DMD: variants seen among roughly 807,000 people sequenced by gnomAD.
DMD encodes the protein mutant dystrophin.
DMD carries 63 observed loss-of-function variants against 330.1 expected under a neutral mutation model. The observed-to-expected ratio is 0.19, with a 90% CI of 0.16 to 0.24. DMD has a LOEUF of 0.24. Among genes scored for constraint, DMD ranks in the 10% least tolerant of loss-of-function variants. The probability of loss-of-function intolerance (pLI) is 1.00; values close to 1 mark genes in which losing one functional copy is unlikely to be tolerated. For missense variants in DMD, 3,344 were observed against 2,684.1 expected, an observed-to-expected ratio of 1.25 and a Z score of -5.43; for synonymous variants, 1,223 against 959.8, an observed-to-expected ratio of 1.27 and a Z score of -5.07.
chrX:32,440,580 CAT>C (rs1405867704), intron 28 of DMD, among the ~76,000 whole-genome samples: 3 of 111,256 alleles, frequency 2.7e-5, no homozygotes, highest in Admixed American at 1.9e-4. Context: ...CACTAAAATG[CAT>C]AGAGCTTGAA....
At chrX:31,826,845 T>C (rs1180287682) in intron 49 of DMD, among the ~76,000 whole-genome samples, 1 of 112,253 alleles carries the variant, frequency 8.9e-6, no homozygotes, top group African/African-American at 3.2e-5. Flanking sequence ...GGTCCAAGGT[T>C]TTCCGCACAA....
chrX:32,876,628 C>T (rs1299721219), intron 2 of DMD, among the ~76,000 whole-genome samples: 1 of 112,109 alleles, frequency 8.9e-6, no homozygotes, highest in Non-Finnish European at 1.9e-5. Context: ...TTGTCATTAT[C>T]TGACTTGAAG....
chrX:31,996,292 A>G (rs1411532522), intron 44 of DMD, among the ~76,000 whole-genome samples: 1 of 112,071 alleles, frequency 8.9e-6, no homozygotes, highest in Non-Finnish European at 1.9e-5. Context: ...GGGTAATCAT[A>G]GTGAATATGA....
intron 19 of DMD, among the ~76,000 whole-genome samples, chrX:32,498,415 A>AT (rs374397973): frequency 0.017 from 1,853 of 106,165 alleles, 38 homozygotes; most frequent in African/African-American, 0.056. Flanking sequence ...CAGAAACGTG[A>AT]TTTTTTTTTT....
chrX:32,356,011 C>T (rs1603631532), intron 37 of DMD, among the ~76,000 whole-genome samples: 1 of 110,122 alleles, frequency 9.1e-6, no homozygotes, highest in South Asian at 3.8e-4. Context: ...AGTTATAATA[C>T]GATCAGAAAG....
intron 52 of DMD, among the ~76,000 whole-genome samples, chrX:31,709,508 TAAA>T (rs2084444525): frequency 9.1e-6 from 1 of 109,510 alleles, no homozygotes. Flanking sequence ...AGAAGATAAA[TAAA>T]AATTTTTTCT....
chrX:32,122,905 C>G (rs1442898079), intron 44 of DMD, among the ~76,000 whole-genome samples: 1 of 110,128 alleles, frequency 9.1e-6, no homozygotes, highest in African/African-American at 3.3e-5. Flanking sequence ...ATAATTTTAT[C>G]TAAGTAAATG....
At chrX:32,705,512 A>G (rs1479236363) in intron 7 of DMD, among the ~76,000 whole-genome samples, 3 of 111,953 alleles carry the variant, frequency 2.7e-5, no homozygotes, top group South Asian at 7.4e-4. Context: ...ATCTTGTTAC[A>G]AGTAGAAAAC....
chrX:32,456,878 C>G (rs997112913), intron 25 of DMD, among the ~76,000 whole-genome samples: 1 of 104,325 alleles, frequency 9.6e-6, no homozygotes, highest in East Asian at 3.0e-4. Context: ...ATTTAATATG[C>G]CTATTATTAA....
chrX:31,242,210 C>T (rs1049823724), intron 63 of DMD, among the ~76,000 whole-genome samples: 1 of 96,548 alleles, frequency 1.0e-5, no homozygotes, highest in Non-Finnish European at 2.0e-5. Flanking sequence ...GAGCCATGTT[C>T]GCACCACTGC....
At chrX:32,237,238 G>C (rs2097191379) in intron 43 of DMD, among the ~76,000 whole-genome samples, 1 of 110,780 alleles carries the variant, frequency 9.0e-6, no homozygotes, top group African/African-American at 3.3e-5. Context: ...GTGTGAGATA[G>C]GGATCTAATT....
At chrX:31,931,216 T>C (rs936524473) in intron 46 of DMD, among the ~76,000 whole-genome samples, 1 of 111,344 alleles carries the variant, frequency 9.0e-6, no homozygotes, top group Admixed American at 9.6e-5. Context: ...TAAATGTATC[T>C]AATACTTGGC....
chrX:31,496,054 A>AG (rs1414476086), intron 57 of DMD, among the ~76,000 whole-genome samples: 2 of 112,116 alleles, frequency 1.8e-5, no homozygotes, highest in East Asian at 5.6e-4. Flanking sequence ...ATTGTACTAC[A>AG]GTTGCATGAC....
At chrX:32,260,638 T>A (rs1180799719) in intron 43 of DMD, among the ~76,000 whole-genome samples, 1 of 111,718 alleles carries the variant, frequency 9.0e-6, no homozygotes, top group Non-Finnish European at 1.9e-5. Flanking sequence ...AATGACAGCA[T>A]CCAAAAAGTA....
At chrX:32,097,406 C>T (rs1341617319) in intron 44 of DMD, among the ~76,000 whole-genome samples, 1 of 111,197 alleles carries the variant, frequency 9.0e-6, no homozygotes, top group African/African-American at 3.3e-5. Context: ...CAGCTTTATC[C>T]ATGTCCCTTC....
chrX:32,613,726 C>T (rs1395086012), intron 12 of DMD, among the ~76,000 whole-genome samples: 5 of 110,705 alleles, frequency 4.5e-5, no homozygotes, highest in South Asian at 3.8e-4. Flanking sequence ...ACATACCCTG[C>T]GTTGTTCTCA....
intron 30 of DMD, among the ~76,000 whole-genome samples, chrX:32,399,934 T>C (rs1389025639): frequency 9.0e-6 from 1 of 111,608 alleles, no homozygotes; most frequent in Non-Finnish European, 1.9e-5. Flanking sequence ...CTTTTCCTGA[T>C]TGAACACCCT....
chrX:31,797,029 C>A (rs770191947), intron 50 of DMD, among the ~76,000 whole-genome samples: 1 of 111,827 alleles, frequency 8.9e-6, no homozygotes, highest in East Asian at 2.8e-4. Context: ...GCCAAATAAA[C>A]CTTCCATTCT....
At chrX:31,537,890 C>T (rs1009815391) in intron 55 of DMD, among the ~76,000 whole-genome samples, 3 of 112,129 alleles carry the variant, frequency 2.7e-5, no homozygotes, top group Non-Finnish European at 3.8e-5. Context: ...AAAATACTTG[C>T]GACTGAAAGT....
Sources: gnomAD v4.1 joint callset for allele counts (sites outside exome capture counted in the v4.1 genomes callset) on GRCh38, gnomAD v4.1.1 for gene constraint, MANE v1.5 for transcripts, NCBI Gene and HGNC (gene_info 2026-07-23, HGNC 2026-07-21) for gene names.